Variants in MINDY4B observed in about 807,000 individuals in gnomAD.
MINDY4B encodes MINDY family member 4B.
MINDY4B carries 25 observed loss-of-function variants against 16.7 expected under a neutral mutation model. The ratio of observed to expected loss-of-function variants is 1.49; its 90% CI spans 1.09 to 2.09. The LOEUF is 2.09. Ranked by LOEUF, MINDY4B falls within the 30% of genes most tolerant of loss-of-function variation. The pLI, the probability that MINDY4B is intolerant of heterozygous loss-of-function variation, is 0.00. For synonymous variants in MINDY4B, 132 were observed against 61.9 expected, an observed-to-expected ratio of 2.13 and a Z score of -5.32; for missense variants, 327 against 168.4, an observed-to-expected ratio of 1.94 and a Z score of -5.21.
intron 7 of MINDY4B, among the ~76,000 whole-genome samples, chr3:150,886,274 A>G (rs1205098850): frequency 6.6e-6 from 1 of 152,238 alleles, no homozygotes; most frequent in Non-Finnish European, 1.5e-5. Context: ...GAGTTAAAAC[A>G]TCTTCAAAGT....
At chr3:150,903,898 A>C (rs1712176685) in intron 2 of MINDY4B, among the ~76,000 whole-genome samples, 1 of 152,224 alleles carries the variant, frequency 6.6e-6, no homozygotes, top group Non-Finnish European at 1.5e-5. Context: ...CCTTAAAAAA[A>C]ATCCACCGTC....
At chr3:150,897,908 A>G (rs1349289628) in intron 3 of MINDY4B, among the ~76,000 whole-genome samples, 1 of 152,200 alleles carries the variant, frequency 6.6e-6, no homozygotes, top group African/African-American at 2.4e-5. Flanking sequence ...GGCATTGAAA[A>G]CTAATGGAAA....
At chr3:150,890,724 G>A (rs565897079) in intron 6 of MINDY4B, 1 of 514,212 alleles carries the variant, frequency 1.9e-6, no homozygotes, top group South Asian at 3.2e-5. Context: ...AGATATTCTT[G>A]GTCCTGGTGA....
intron 11 of MINDY4B, among the ~76,000 whole-genome samples, chr3:150,871,756 A>G (rs1295205130): frequency 1.3e-5 from 2 of 152,260 alleles, no homozygotes; most frequent in South Asian, 2.1e-4. Flanking sequence ...GAAGCACAAG[A>G]ATCACTTGAA....
intron 3 of MINDY4B, among the ~76,000 whole-genome samples, chr3:150,902,883 T>G (rs984008480): frequency 6.6e-6 from 1 of 152,182 alleles, no homozygotes; most frequent in Non-Finnish European, 1.5e-5. Flanking sequence ...TGGGGTACTT[T>G]CTTACACATC....
chr3:150,901,286 G>A (rs904841065), intron 3 of MINDY4B: 7 of 152,122 alleles, frequency 4.6e-5, no homozygotes, highest in African/African-American at 1.7e-4. Context: ...GAGGGCTGGG[G>A]GCCCTGGCAA....
chr3:150,875,496 T>A (rs912043287), intron 10 of MINDY4B, among the ~76,000 whole-genome samples: 2 of 152,224 alleles, frequency 1.3e-5, no homozygotes, highest in African/African-American at 4.8e-5. Context: ...TATGATATTG[T>A]TTCACAGAAT....
intron 10 of MINDY4B, among the ~76,000 whole-genome samples, chr3:150,881,824 A>G (rs577263874): frequency 1.3e-5 from 2 of 152,338 alleles, no homozygotes; most frequent in African/African-American, 4.8e-5. Context: ...TACACAAAAT[A>G]TGCCAATTCT....
At chr3:150,890,283 C>A in intron 7 of MINDY4B, 37 bp downstream of exon 7, 1 of 458,200 alleles carries the variant, frequency 2.2e-6, no homozygotes, top group Admixed American at 4.0e-5. Flanking sequence ...TAAGATCAGT[C>A]AACATAAAGG....
intron 7 of MINDY4B, among the ~76,000 whole-genome samples, chr3:150,889,897 G>A (rs1364380539): frequency 6.6e-6 from 1 of 152,236 alleles, no homozygotes; most frequent in Non-Finnish European, 1.5e-5. Flanking sequence ...ATAGACAGGT[G>A]AAACAGGACC....
intron 7 of MINDY4B, among the ~76,000 whole-genome samples, chr3:150,888,550 T>C (rs1011203743): frequency 2.0e-5 from 3 of 152,098 alleles, no homozygotes; most frequent in African/African-American, 7.2e-5. Context: ...TGATAGTTGA[T>C]GGGGGATTGG....
intron 3 of MINDY4B, among the ~76,000 whole-genome samples, chr3:150,894,857 G>A (rs1403504204): frequency 6.6e-6 from 1 of 152,170 alleles, no homozygotes; most frequent in Non-Finnish European, 1.5e-5. Context: ...TGATCATTTA[G>A]CATGTACTCG....
intron 5 of MINDY4B, among the ~76,000 whole-genome samples, chr3:150,892,682 C>T (rs772732747): frequency 1.3e-4 from 19 of 151,990 alleles, no homozygotes; most frequent in South Asian, 2.1e-4. Flanking sequence ...CAGTGGCTCA[C>T]GCCTATAATC....
At chr3:150,874,744 C>T (rs368306793) in intron 10 of MINDY4B, among the ~76,000 whole-genome samples, 18 of 152,180 alleles carry the variant, frequency 1.2e-4, no homozygotes, top group African/African-American at 3.1e-4. Flanking sequence ...AAAATTATCA[C>T]GTGCTTTATC....
chr3:150,885,686 T>A (rs1203269633), intron 7 of MINDY4B, among the ~76,000 whole-genome samples: 2 of 152,180 alleles, frequency 1.3e-5, no homozygotes, highest in Non-Finnish European at 1.5e-5. Flanking sequence ...ACTTCTACCA[T>A]GTGATTCTCT....
Position 150,890,397 on chromosome 3 carries a change from GA to G in MINDY4B, c.688-13del, listed in dbSNP as rs1559967156. Reference sequence around the variant, plus strand: ...TCAAACAGCTGGAGCTATAAATCAGGAACAGAAGATAAAAATGAAAAGGAAG... The same window carrying G: ...TCAAACAGCTGGAGCTATAAATCAGGACAGAAGATAAAAATGAAAAGGAAG... On this transcript the variant is annotated splice_polypyrimidine_tract_variant and intron_variant, in intron 6 of 11. Coordinates refer to ENST00000465419, the MANE Select transcript of MINDY4B (RefSeq NM_001351281.2). 1 of 615,428 alleles carries G rather than the reference GA, an allele frequency of 1.6e-6. No homozygotes were observed. The highest frequency in any genetic ancestry group is 3.3e-5 in the Admixed American group (1 of 30,358). The allele number at this position is 615,428 out of a possible 1,614,324, so 38.1% of individuals were successfully genotyped here.
chr3:150,882,015 C>T (rs540664856), intron 10 of MINDY4B, among the ~76,000 whole-genome samples: 145 of 152,250 alleles, frequency 9.5e-4, no homozygotes, highest in African/African-American at 2.7e-3. Flanking sequence ...TGCTGAGCAG[C>T]GAGGCCTTGT....
At chr3:150,872,178 G>T (rs182807277) in intron 11 of MINDY4B, among the ~76,000 whole-genome samples, 19 of 152,298 alleles carry the variant, frequency 1.2e-4, no homozygotes, top group Admixed American at 1.2e-3. Flanking sequence ...TGATTCTTGT[G>T]AGCTAATGAA....
chr3:150,900,645 A>G (rs374106658), intron 3 of MINDY4B, among the ~76,000 whole-genome samples: 13 of 152,254 alleles, frequency 8.5e-5, no homozygotes, highest in East Asian at 5.8e-4. Flanking sequence ...ATTTTTTTTT[A>G]AAGAAAAATC....
Sources: allele counts gnomAD v4.1 joint callset (sites outside exome capture counted in the v4.1 genomes callset), GRCh38; gene constraint gnomAD v4.1.1; transcripts MANE v1.5; gene names NCBI Gene and HGNC (gene_info 2026-07-23, HGNC 2026-07-21).